Variants in NTRK3 observed in about 807,000 individuals in gnomAD.
NTRK3 encodes the protein NT-3 growth factor receptor.
A neutral mutation model predicts 91.7 loss-of-function variants in NTRK3; 24 were observed. The observed-to-expected ratio is 0.26, with a 90% CI of 0.19 to 0.37. The LOEUF is 0.37. Ranked by LOEUF, NTRK3 falls within the 10% of genes least tolerant of loss-of-function variation. The pLI is 1.00. For missense variants in NTRK3, 880 were observed against 1,068.9 expected (o/e 0.82, Z 2.46); for synonymous variants, 483 against 404.0 (o/e 1.20, Z -2.34).
At chr15:87,955,435 G>A (rs2071556978) in intron 14 of NTRK3, among the ~76,000 whole-genome samples, 1 of 152,200 alleles carries the variant, frequency 6.6e-6, no homozygotes, top group Non-Finnish European at 1.5e-5. Context: ...GGAGATTTGG[G>A]GACACGGCAT....
chr15:88,230,284 C>A (rs1400379458), intron 3 of NTRK3, among the ~76,000 whole-genome samples: 1 of 152,218 alleles, frequency 6.6e-6, no homozygotes. Flanking sequence ...ACTTCATCCA[C>A]CAGGATAAGA....
intron 13 of NTRK3, among the ~76,000 whole-genome samples, chr15:88,077,927 A>T (rs1444836634): frequency 6.6e-6 from 1 of 152,232 alleles, no homozygotes; most frequent in Non-Finnish European, 1.5e-5. Flanking sequence ...CTGCAAAGAC[A>T]GAATCTCACA....
exon 19 of NTRK3, chr15:87,877,005 A>G (rs2064976462): frequency 6.2e-7 from 1 of 1,612,420 alleles, no homozygotes; most frequent in East Asian, 2.2e-5. Flanking sequence ...GATCTCCTTG[A>G]TGTTCAACCG....
chr15:88,013,413 C>T (rs2077019415), intron 14 of NTRK3, among the ~76,000 whole-genome samples: 2 of 152,352 alleles, frequency 1.3e-5, no homozygotes, highest in East Asian at 1.9e-4. Context: ...AGAAGCCATA[C>T]ACTTGGTGAT....
At chr15:87,979,073 C>CTTTA (rs1278892658) in intron 14 of NTRK3, 2 of 548,656 alleles carry the variant, frequency 3.6e-6, no homozygotes, top group South Asian at 2.3e-5. Flanking sequence ...TTTTAATTCT[C>CTTTA]TTTATTGGCT....
intron 17 of NTRK3, among the ~76,000 whole-genome samples, chr15:87,906,775 C>T (rs935070948): frequency 6.6e-6 from 1 of 152,200 alleles, no homozygotes; most frequent in African/African-American, 2.4e-5. Context: ...CCACCACCAA[C>T]ACCACCACTA....
chr15:88,128,614 G>T, intron 11 of NTRK3, 97 bp downstream of exon 11: 1 of 1,291,872 alleles, frequency 7.7e-7, no homozygotes, highest in Non-Finnish European at 1.1e-6. Context: ...CATGGGCCAG[G>T]GATGATGTGG....
At chr15:88,181,908 G>A (rs1365634218) in intron 5 of NTRK3, among the ~76,000 whole-genome samples, 1 of 152,216 alleles carries the variant, frequency 6.6e-6, no homozygotes, top group Non-Finnish European at 1.5e-5. Flanking sequence ...TGAAAACGGA[G>A]ACTTCTCAGA....
chr15:87,938,733 C>T (rs1045203357), intron 15 of NTRK3, among the ~76,000 whole-genome samples: 3 of 152,134 alleles, frequency 2.0e-5, no homozygotes, highest in South Asian at 4.2e-4. Flanking sequence ...CGGAACACCC[C>T]GTGGATTAGT....
At chr15:87,985,601 G>A (rs964682370) in intron 14 of NTRK3, among the ~76,000 whole-genome samples, 1 of 152,112 alleles carries the variant, frequency 6.6e-6, no homozygotes, top group Non-Finnish European at 1.5e-5. Flanking sequence ...GATTGTCCTG[G>A]CCCGCATGCC....
chr15:87,925,144 T>C (rs1017215404), intron 17 of NTRK3, among the ~76,000 whole-genome samples: 3 of 152,180 alleles, frequency 2.0e-5, no homozygotes, highest in African/African-American at 7.2e-5. Context: ...AGTCAGTGAT[T>C]CACAGAAGGA....
At position 88,255,180 on chromosome 15, in the gene NTRK3, CA is replaced by C. The variant is rs1424006666; in HGVS notation, c.248+725del. On this transcript the variant is annotated intron_variant, in intron 3 of 18. Transcript: ENST00000394480. The surrounding 1 kb of genome is among the most constrained non-coding windows in gnomAD (Gnocchi z 4.3). ...CATCCTGACTCGGAATAGTTCCGAG[CA>C]GTTATCAAAGCCCAAACTGGGAAGG... is the stretch of plus-strand genomic sequence containing the variant. Among the ~76,000 whole-genome samples, 1 of 152,126 alleles carries C rather than the reference CA, an allele frequency of 6.6e-6. No individual in the cohort carries two copies. The highest frequency in any genetic ancestry group is 2.4e-5 in the African/African-American group (1 of 41,430).
chr15:88,112,116 C>G (rs1224132028), intron 13 of NTRK3, among the ~76,000 whole-genome samples: 1 of 152,190 alleles, frequency 6.6e-6, no homozygotes, highest in Middle Eastern at 3.4e-3. Flanking sequence ...CAATGTTAGC[C>G]AGGATGGTCT....
chr15:88,102,509 G>A (rs1218543918), intron 13 of NTRK3, among the ~76,000 whole-genome samples: 1 of 152,094 alleles, frequency 6.6e-6, no homozygotes, highest in Non-Finnish European at 1.5e-5. Flanking sequence ...GAGTGGAACT[G>A]GAATGTTCCT....
At chr15:88,135,582 A>G (rs2041797087) in intron 9 of NTRK3, among the ~76,000 whole-genome samples, 185 bp from the exon 10 acceptor site, 1 of 152,154 alleles carries the variant, frequency 6.6e-6, no homozygotes, top group Non-Finnish European at 1.5e-5. Flanking sequence ...CAAGCTTCCT[A>G]GATCCACCTT....
At chr15:87,929,250 G>A (rs1309472041) in exon 17 of NTRK3, 2 of 1,614,114 alleles carry the variant, frequency 1.2e-6, no homozygotes, top group Admixed American at 3.3e-5. Flanking sequence ...ATCTTCACTA[G>A]CAGATTCGCT....
At chr15:88,067,060 A>T (rs890791701) in intron 13 of NTRK3, among the ~76,000 whole-genome samples, 6 of 152,074 alleles carry the variant, frequency 3.9e-5, no homozygotes, top group Non-Finnish European at 7.4e-5. Context: ...CACAGTCCTC[A>T]ATTAATCCCA....
At chr15:87,972,939 C>T (rs1424042283) in intron 14 of NTRK3, among the ~76,000 whole-genome samples, 1 of 152,184 alleles carries the variant, frequency 6.6e-6, no homozygotes, top group Non-Finnish European at 1.5e-5. Context: ...GGGATCTGTG[C>T]TCCTCAGAAG....
chr15:88,122,831 AGCTGTACTTTTTTT>A (rs1357178157), intron 13 of NTRK3, among the ~76,000 whole-genome samples: 24 of 152,144 alleles, frequency 1.6e-4, no homozygotes, highest in African/African-American at 5.6e-4. Flanking sequence ...TTAATTTATA[AGCTGTACTTTTTTT>A]ATTATTAAAA....
Sources: allele counts gnomAD v4.1 joint callset (sites outside exome capture counted in the v4.1 genomes callset), GRCh38; gene constraint gnomAD v4.1.1; non-coding constraint Gnocchi (gnomAD v3.1); transcripts MANE v1.5; gene names NCBI Gene and HGNC (gene_info 2026-07-23, HGNC 2026-07-21).